Variants in TNRC6C observed in about 807,000 individuals in gnomAD.
The protein encoded by TNRC6C is trinucleotide repeat containing adaptor 6C, also known as trinucleotide repeat-containing gene 6C protein.
Under a neutral mutation model 153.7 loss-of-function variants are expected in TNRC6C, and 20 were observed. The observed-to-expected ratio is 0.13, with a 90% CI of 0.09 to 0.19. The LOEUF is 0.19. Ranked by LOEUF, TNRC6C falls within the 10% of genes least tolerant of loss-of-function variation. The probability of loss-of-function intolerance (pLI) is 1.00; values close to 1 mark genes in which losing one functional copy is unlikely to be tolerated. For missense variants in TNRC6C, 1,987 were observed against 2,172.0 expected (o/e 0.91, Z 1.69); for synonymous variants, 811 against 841.4 (o/e 0.96, Z 0.63).
upstream of TNRC6C, among the ~76,000 whole-genome samples, chr17:78,004,612 G>A (rs2071464994): frequency 6.6e-6 from 1 of 152,080 alleles, no homozygotes; most frequent in Admixed American, 6.5e-5. Flanking sequence ...AGAAAAGCTA[G>A]AAATATTTTT....
Position 78,079,280 on chromosome 17 carries a change from G to A in TNRC6C, c.3211-115G>A. On this transcript the variant is annotated intron_variant, in intron 9 of 19. Transcript: ENST00000301624. The surrounding 1 kb of genome is among the most constrained non-coding windows in gnomAD (Gnocchi z 4.3). ...ATTCTCTTGGGTACAAGTTGACAGT[G>A]GTAGGAAGTAGAAACAATTTTGCAT... 1.4e-6 allele frequency: 2 copies of A among 1,451,632 alleles called. No individual in the cohort carries two copies. The allele number at this position is 1,451,632 out of a possible 1,614,324, so 89.9% of individuals were successfully genotyped here.
At position 78,024,528 on chromosome 17, in the gene TNRC6C, G is replaced by A. The variant is rs568936055; in HGVS notation, c.-545-6988G>A. Among the ~76,000 whole-genome samples, 12 of 151,790 alleles carry A rather than the reference G, an allele frequency of 7.9e-5. No individual in the cohort carries two copies. In the South Asian group the frequency reaches 1.7e-3, roughly 21 times the overall value. On this transcript the variant is annotated intron_variant, in intron 1 of 19. Transcript: ENST00000301624. Reference sequence around the variant, plus strand: ...ACTACAGGTACCTGCCACCACGCCCGGCTAATTTTTTGTATTTTAGTAGAG... The same window carrying A: ...ACTACAGGTACCTGCCACCACGCCCAGCTAATTTTTTGTATTTTAGTAGAG...
intron 2 of TNRC6C, among the ~76,000 whole-genome samples, chr17:78,045,205 G>A (rs557014492): frequency 1.4e-4 from 22 of 152,328 alleles, no homozygotes; most frequent in African/African-American, 4.8e-4. Flanking sequence ...CAGTAATCCA[G>A]TCAAGACATG....
chr17:78,086,818 C>G (rs1161639894), intron 12 of TNRC6C, 35 bp from the exon 15 acceptor site: 2 of 1,604,502 alleles, frequency 1.2e-6, no homozygotes, highest in Non-Finnish European at 1.7e-6. Context: ...TGTCCCTTCC[C>G]ACCTAGTTAA....
chr17:77,986,097 T>C (rs569444807), intron 1 of TNRC6C, among the ~76,000 whole-genome samples: 3 of 152,054 alleles, frequency 2.0e-5, no homozygotes, highest in Non-Finnish European at 2.9e-5. Flanking sequence ...TACCTAGACA[T>C]GAGCTTAACA....
exon 12 of TNRC6C, chr17:78,086,533 A>T (rs767440088): frequency 1.2e-6 from 2 of 1,613,930 alleles, no homozygotes; most frequent in Non-Finnish European, 1.7e-6. Flanking sequence ...CCAGCAGCAG[A>T]TGTTACAGGC....
At chr17:77,982,557 C>A (rs774900592) in intron 1 of TNRC6C, among the ~76,000 whole-genome samples, 1 of 152,170 alleles carries the variant, frequency 6.6e-6, no homozygotes, top group African/African-American at 2.4e-5. Flanking sequence ...CAAGGCCAGG[C>A]GCGGTGGCTC....
At chr17:78,008,480 G>A (rs1314930816) in intron 1 of TNRC6C, 1 of 152,200 alleles carries the variant, frequency 6.6e-6, no homozygotes, top group Non-Finnish European at 1.5e-5. Context: ...CTGCAGCCAG[G>A]AGATACACTT....
At chr17:78,051,087 T>C in exon 3 of TNRC6C, 1 of 1,599,344 alleles carries the variant, frequency 6.3e-7, no homozygotes, top group Non-Finnish European at 8.5e-7. Context: ...AAGACAACAA[T>C]GTGAGTAACT....
intron 3 of TNRC6C, among the ~76,000 whole-genome samples, chr17:78,051,730 A>G (rs1013578422): frequency 9.9e-5 from 15 of 152,048 alleles, no homozygotes; most frequent in African/African-American, 2.9e-4. Flanking sequence ...TGGGGTGGAG[A>G]TGATGGATTT....
At chr17:78,056,491 T>C (rs1007238666) in intron 3 of TNRC6C, among the ~76,000 whole-genome samples, 2 of 144,774 alleles carry the variant, frequency 1.4e-5, no homozygotes, top group African/African-American at 5.2e-5. Flanking sequence ...TGAGACAGAG[T>C]CTTGCTCTGT....
intron 13 of TNRC6C, among the ~76,000 whole-genome samples, chr17:78,088,855 C>T (rs2073344237): frequency 6.6e-6 from 1 of 150,458 alleles, no homozygotes; most frequent in Non-Finnish European, 1.5e-5. Flanking sequence ...GTTTTAGAAA[C>T]AAATTTCATC....
chr17:77,984,293 G>A (rs1044335676), intron 1 of TNRC6C, among the ~76,000 whole-genome samples: 1 of 151,678 alleles, frequency 6.6e-6, no homozygotes, highest in African/African-American at 2.4e-5. Flanking sequence ...AACCGAGGCA[G>A]GATTGCTTGA....
Position 78,104,827 on chromosome 17 carries a change from C to T in TNRC6C, c.5055C>T (p.Leu1685=), listed in dbSNP as rs1019677182. 2 of 1,437,658 alleles carry T rather than the reference C, an allele frequency of 1.4e-6. No homozygotes were observed. The highest frequency in any genetic ancestry group is 1.5e-5 in the African/African-American group (1 of 67,786). 89.1% of individuals were successfully genotyped at this position (1,437,658 alleles called of 1,614,324 possible). The change falls in exon 20 of 20, where the codon CTC becomes CTT. Residue 1685 remains leucine, a synonymous_variant. Transcript: ENST00000301624. This position sits in a 1 kb window ranked among gnomAD's most constrained non-coding sequence, Gnocchi z 6.2. Reference sequence around the variant, plus strand: ...CCACCCTGCTGCCTGGGGACCTGCTCAGCGGGGAGTCCCTGTAGGCTCTGC... The same window carrying T: ...CCACCCTGCTGCCTGGGGACCTGCTTAGCGGGGAGTCCCTGTAGGCTCTGC...
Position 78,104,894 on chromosome 17 carries a change from C to T in TNRC6C, c.*49C>T. On this transcript the variant is annotated 3_prime_UTR_variant, in exon 20 of 20. Coordinates refer to ENST00000301624, the Ensembl canonical transcript of TNRC6C. The surrounding 1 kb of genome is among the most constrained non-coding windows in gnomAD (Gnocchi z 6.2). Reference sequence around the variant, plus strand: ...AGAGCCGACCCCTCCCGGGACCCCTCCCGGCTGGGCGGCCCCACAGACCCG... The same window carrying T: ...AGAGCCGACCCCTCCCGGGACCCCTTCCGGCTGGGCGGCCCCACAGACCCG... 4 of 1,378,018 alleles carry T rather than the reference C, an allele frequency of 2.9e-6. No individual in the cohort carries two copies. The South Asian group carries it at 6.7e-5, about 23-fold the overall frequency. 85.4% of individuals were successfully genotyped at this position (1,378,018 alleles called of 1,614,324 possible).
intron 1 of TNRC6C, among the ~76,000 whole-genome samples, chr17:77,974,963 A>G (rs1393876023): frequency 6.6e-6 from 1 of 152,246 alleles, no homozygotes; most frequent in Non-Finnish European, 1.5e-5. Flanking sequence ...AATTTGCAAA[A>G]CAAATTTGTA....
chr17:78,049,272 G>C lies in TNRC6C; in HGVS notation c.210G>C (p.Gly70=). The C allele has an allele frequency of 6.2e-7, 1 of 1,612,624 alleles. No individual in the cohort carries two copies. Residue 70 remains glycine (G), a synonymous_variant, in exon 3 of 20, where the codon GGG becomes GGC. Transcript: ENST00000301624. This position sits in a 1 kb window ranked among gnomAD's most constrained non-coding sequence, Gnocchi z 4.1. ...TGGCTCACTGCTCTGTCAGTGGTGG[G>C]GATGGAAAAATGGACACTATGATTG...
rs566188953 is a variant in TNRC6C at position 77,985,361 on chromosome 17, G to A, written c.-37-18809G>A. ...TGTAATCCCAGCACTTTGGAAGGCCGAGGCGGGCGGATCATGAGGTCAGGA... is the reference window on the plus strand; with the variant it reads ...TGTAATCCCAGCACTTTGGAAGGCCAAGGCGGGCGGATCATGAGGTCAGGA... On this transcript the variant is annotated intron_variant, in intron 1 of 22. Coordinates refer to the TNRC6C transcript ENST00000636222. Among the ~76,000 whole-genome samples, 15 of 151,954 alleles carry A rather than the reference G, an allele frequency of 9.9e-5. 1 individual carries two copies. The South Asian group carries it at 2.1e-3, about 21-fold the overall frequency.
At chr17:77,976,854 A>G (rs2071005028) in intron 1 of TNRC6C, among the ~76,000 whole-genome samples, 1 of 135,694 alleles carries the variant, frequency 7.4e-6, no homozygotes, top group Admixed American at 8.4e-5. Context: ...GCTTGAATCC[A>G]GGTGGTGGAG....
Sources: gnomAD v4.1 joint callset for allele counts (sites outside exome capture counted in the v4.1 genomes callset) on GRCh38, gnomAD v4.1.1 for gene constraint, Gnocchi (gnomAD v3.1) non-coding constraint, MANE v1.5 for transcripts, NCBI Gene and HGNC (gene_info 2026-07-23, HGNC 2026-07-21) for gene names.